The following AMBRA1 variants were observed in gnomAD, a reference collection of about 807,000 sequenced individuals.
AMBRA1 encodes the protein autophagy and beclin 1 regulator 1.
In AMBRA1, 47 loss-of-function variants were observed where a neutral mutation model predicts 125.4. The ratio of observed to expected loss-of-function variants is 0.37; its 90% CI spans 0.30 to 0.48. The LOEUF is 0.48. Ranked by LOEUF, AMBRA1 falls within the 20% of genes least tolerant of loss-of-function variation. The probability of loss-of-function intolerance (pLI) is 0.99; values close to 1 mark genes in which losing one functional copy is unlikely to be tolerated. For synonymous variants in AMBRA1, 626 were observed against 655.5 expected, an observed-to-expected ratio of 0.95 and a Z score of 0.69; for missense variants, 1,331 against 1,693.4, an observed-to-expected ratio of 0.79 and a Z score of 3.76.
At position 46,396,959 on chromosome 11, in the gene AMBRA1, A is replaced by G. The variant is rs139134180; in HGVS notation, c.*491T>C. On this transcript the variant is annotated 3_prime_UTR_variant, in exon 18 of 18. Transcript: ENST00000683756. ...CTGTTGGTTTCAGTGGGGTAAGACG[A>G]CGAAGAGAGGCTGAAGCTCTGGAAG... 290 of 153,430 alleles carry G rather than the reference A, an allele frequency of 1.9e-3. 1 individual carries two copies. Among genetic ancestry groups the G allele is most frequent in the Non-Finnish European group, 3.0e-3 (206 of 68,556 alleles). 9.5% of individuals were successfully genotyped at this position (153,430 alleles called of 1,614,324 possible).
In AMBRA1 at chr11:46,493,622, T is replaced by G; in HGVS notation, c.2507A>C (p.Asn836Thr). Residue 836 changes from asparagine (N) to threonine (T), a missense_variant, in exon 11 of 18, where the codon AAC becomes ACC. Coordinates refer to ENST00000683756, the MANE Select transcript of AMBRA1 (RefSeq NM_001387011.1). ...QPGLATHSSVNRVLAGAVIGD... is the reference protein window; with the variant it reads ...QPGLATHSSVTRVLAGAVIGD... ...CATTTCCTTACCTGCCAGGACCCTG[T>G]TAACAGAAGAGTGAGTAGCCAAGCC... 6.2e-7 allele frequency: 1 copy of G among 1,605,840 alleles called. No individual in the cohort carries two copies.
chr11:46,548,598 C>A, intron 1 of AMBRA1, 98 bp from the exon 2 acceptor site: 1 of 552,686 alleles, frequency 1.8e-6, no homozygotes. Context: ...TATACTTTTC[C>A]TATTTAATGA....
At chr11:46,447,713 TAGATAGATAGA>T (rs1948365647) in intron 11 of AMBRA1, among the ~76,000 whole-genome samples, 1 of 148 alleles carries the variant, frequency 6.8e-3, no homozygotes, top group Admixed American at 0.042. Context: ...ATCTTGTAGA[TAGATAGATAGA>T]TAGATAGATA....
intron 11 of AMBRA1, among the ~76,000 whole-genome samples, chr11:46,457,730 G>A (rs984193800): frequency 2.6e-5 from 4 of 151,914 alleles, no homozygotes; most frequent in East Asian, 1.9e-4. Context: ...GTAAAACCCC[G>A]TCTCTACTAA....
In AMBRA1 at chr11:46,541,941, T is replaced by C. The variant is rs1952764293; in HGVS notation, c.2072+4A>G. On this transcript the variant is annotated splice_donor_region_variant and intron_variant, in intron 7 of 17. Transcript: ENST00000683756. ...ATGCAGAAGATAGGAAAGCGACTGC[T>C]TACCTCCTGAGTGAATCCTCCTCAG... The C allele has an allele frequency of 1.2e-6, 2 of 1,603,312 alleles. No homozygotes were observed. Among genetic ancestry groups the C allele is most frequent in the East Asian group, 2.2e-5 (1 of 44,870 alleles).
intron 8 of AMBRA1, among the ~76,000 whole-genome samples, chr11:46,509,372 G>A (rs1951177246): frequency 6.6e-6 from 1 of 152,124 alleles, no homozygotes; most frequent in Non-Finnish European, 1.5e-5. Context: ...TGTTTTCTAT[G>A]ATAATATTAA....
At chr11:46,590,924 A>G (rs2044574355) in intron 1 of AMBRA1, among the ~76,000 whole-genome samples, 1 of 151,932 alleles carries the variant, frequency 6.6e-6, no homozygotes, top group South Asian at 2.1e-4. Flanking sequence ...AAAAAAAAAA[A>G]AAAGAAAAAC....
intron 17 of AMBRA1, among the ~76,000 whole-genome samples, chr11:46,407,965 A>G (rs1946103250): frequency 6.6e-6 from 1 of 152,178 alleles, no homozygotes; most frequent in Non-Finnish European, 1.5e-5. Flanking sequence ...GGTTTTTAAA[A>G]GTGTGAGGCT....
intron 11 of AMBRA1, among the ~76,000 whole-genome samples, chr11:46,480,363 C>A (rs1433632940): frequency 6.6e-6 from 1 of 152,034 alleles, no homozygotes; most frequent in Non-Finnish European, 1.5e-5. Context: ...CAGAGAAGAG[C>A]CAATGATGCA....
intron 1 of AMBRA1, 82 bp from the exon 2 acceptor site, chr11:46,548,582 G>C: frequency 1.7e-6 from 1 of 583,350 alleles, no homozygotes; most frequent in Non-Finnish European, 2.9e-6. Flanking sequence ...AGCTCAAAAG[G>C]GAAATTATAC....
chr11:46,528,934 G>A (rs1952098261), intron 7 of AMBRA1, among the ~76,000 whole-genome samples: 1 of 152,070 alleles, frequency 6.6e-6, no homozygotes, highest in East Asian at 1.9e-4. Flanking sequence ...AGCAGAAGAG[G>A]CAAAAAGAGT....
chr11:46,592,343 A>C (rs1433074467), intron 1 of AMBRA1, among the ~76,000 whole-genome samples: 1 of 152,178 alleles, frequency 6.6e-6, no homozygotes, highest in Non-Finnish European at 1.5e-5. Flanking sequence ...CTGGGAAGGA[A>C]AAGGGAACCA....
intron 14 of AMBRA1, among the ~76,000 whole-genome samples, chr11:46,422,990 A>T (rs1229567391): frequency 6.6e-6 from 1 of 152,182 alleles, no homozygotes; most frequent in African/African-American, 2.4e-5. Context: ...AACTGTGAGG[A>T]GGAAAGATGC....
chr11:46,487,944 G>T (rs1360871302), intron 11 of AMBRA1, among the ~76,000 whole-genome samples: 1 of 151,932 alleles, frequency 6.6e-6, no homozygotes, highest in African/African-American at 2.4e-5. Context: ...GAGCTAAACA[G>T]GCTGAAAGTA....
At chr11:46,482,307 T>C (rs1950100667) in intron 11 of AMBRA1, among the ~76,000 whole-genome samples, 1 of 152,226 alleles carries the variant, frequency 6.6e-6, no homozygotes, top group Non-Finnish European at 1.5e-5. Flanking sequence ...TCAGAGCTAT[T>C]TGTCTGGGTG....
At chr11:46,441,641 T>C (rs1256924431) in intron 12 of AMBRA1, among the ~76,000 whole-genome samples, 1 of 152,102 alleles carries the variant, frequency 6.6e-6, no homozygotes, top group Non-Finnish European at 1.5e-5. Context: ...AACCATAGGG[T>C]AAGCTAATAG....
intron 7 of AMBRA1, among the ~76,000 whole-genome samples, chr11:46,532,499 C>T (rs934838089): frequency 2.0e-5 from 3 of 152,284 alleles, no homozygotes; most frequent in South Asian, 2.1e-4. Flanking sequence ...TGCAGTGGTG[C>T]GATCTCAGCT....
At chr11:46,571,368 T>C (rs2043749669) in intron 1 of AMBRA1, among the ~76,000 whole-genome samples, 1 of 152,208 alleles carries the variant, frequency 6.6e-6, no homozygotes, top group Non-Finnish European at 1.5e-5. Context: ...TTAGGGATCA[T>C]TTTGAACATA....
At chr11:46,504,882 T>C (rs1590973292) in intron 9 of AMBRA1, among the ~76,000 whole-genome samples, 1 of 152,312 alleles carries the variant, frequency 6.6e-6, no homozygotes, top group African/African-American at 2.4e-5. Flanking sequence ...CTTAGACATA[T>C]CTGATTTGGT....
Sources: gnomAD v4.1 joint callset for allele counts (sites outside exome capture counted in the v4.1 genomes callset) on GRCh38, gnomAD v4.1.1 for gene constraint, MANE v1.5 for transcripts, NCBI Gene and HGNC (gene_info 2026-07-23, HGNC 2026-07-21) for gene names.